Variants in PRORP observed in about 807,000 individuals in gnomAD.
PRORP encodes the protein protein only RNase P catalytic subunit.
A neutral mutation model predicts 59.4 loss-of-function variants in PRORP; 51 were observed. The observed-to-expected ratio is 0.86, with a 90% CI of 0.69 to 1.08. The LOEUF (loss-of-function observed/expected upper bound fraction) is 1.08, where lower values mean the gene tolerates loss of function less well. Ranked by LOEUF, PRORP falls within the 50% of genes least tolerant of loss-of-function variation. The probability of loss-of-function intolerance (pLI) is 0.00; values close to 1 mark genes in which losing one functional copy is unlikely to be tolerated. For synonymous variants in PRORP, 231 were observed against 245.6 expected, an observed-to-expected ratio of 0.94 and a Z score of 0.55; for missense variants, 646 against 690.3, an observed-to-expected ratio of 0.94 and a Z score of 0.72.
chr14:35,162,930 T>C (rs1285042565), intron 4 of PRORP, among the ~76,000 whole-genome samples: 1 of 152,164 alleles, frequency 6.6e-6, no homozygotes, highest in African/African-American at 2.4e-5. Flanking sequence ...TTTTAGCATA[T>C]ACCAAATTCT....
intron 5 of PRORP, among the ~76,000 whole-genome samples, chr14:35,201,243 A>G (rs1209329175): frequency 6.6e-6 from 1 of 152,166 alleles, no homozygotes; most frequent in African/African-American, 2.4e-5. Context: ...AGCTTTCTCA[A>G]CTGTAAAGTT....
intron 5 of PRORP, among the ~76,000 whole-genome samples, chr14:35,265,537 G>A (rs2051016901): frequency 6.6e-6 from 1 of 152,202 alleles, no homozygotes; most frequent in South Asian, 2.1e-4. Context: ...GTGGAGGCCA[G>A]TGGGAAGTGG....
chr14:35,217,896 C>T (rs1193487865), intron 5 of PRORP, among the ~76,000 whole-genome samples: 1 of 152,050 alleles, frequency 6.6e-6, no homozygotes, highest in Non-Finnish European at 1.5e-5. Flanking sequence ...AATTTTGTTC[C>T]TTTTCTAAGT....
intron 5 of PRORP, among the ~76,000 whole-genome samples, chr14:35,246,153 T>TA (rs1942071502): frequency 6.6e-6 from 1 of 152,200 alleles, no homozygotes; most frequent in African/African-American, 2.4e-5. Flanking sequence ...TCCAGTGTTT[T>TA]AAAATTTTAC....
At chr14:35,175,969 T>G (rs1595244645) in intron 4 of PRORP, among the ~76,000 whole-genome samples, 2 of 152,114 alleles carry the variant, frequency 1.3e-5, no homozygotes, top group South Asian at 4.1e-4. Context: ...GGCTAGCCAG[T>G]TTTCCCAGCA....
intron 5 of PRORP, among the ~76,000 whole-genome samples, chr14:35,219,621 GGCACCC>G (rs2049718749): frequency 6.6e-6 from 1 of 152,208 alleles, no homozygotes; most frequent in East Asian, 1.9e-4. Flanking sequence ...GGTGCCTAAT[GGCACCC>G]TACATGTTGG....
chr14:35,168,006 A>G (rs1397080996), intron 4 of PRORP, among the ~76,000 whole-genome samples: 2 of 152,204 alleles, frequency 1.3e-5, no homozygotes, highest in Admixed American at 6.5e-5. Flanking sequence ...TCCCCCATTC[A>G]TTCATTAGTT....
At chr14:35,125,608 G>A (rs953920043) in intron 2 of PRORP, among the ~76,000 whole-genome samples, 4 of 151,862 alleles carry the variant, frequency 2.6e-5, no homozygotes, top group Non-Finnish European at 5.9e-5. Context: ...TCATGTTTAC[G>A]GAGCTTTGAA....
chr14:35,180,284 C>T (rs539115632), intron 4 of PRORP, among the ~76,000 whole-genome samples: 266 of 152,272 alleles, frequency 1.7e-3, no homozygotes, highest in African/African-American at 6.1e-3. Flanking sequence ...GCATCGCTCA[C>T]GCTGGGAGCC....
chr14:35,221,868 G>T lies in PRORP; in HGVS notation c.1275+41091G>T, dbSNP rs12586302. Among the ~76,000 whole-genome samples, 3 of 152,006 alleles carry T rather than the reference G, an allele frequency of 2.0e-5. No individual in the cohort carries two copies. The East Asian group carries it at 5.8e-4, about 29-fold the overall frequency. On this transcript the variant is annotated intron_variant, in intron 5 of 7. Coordinates refer to ENST00000534898, the MANE Select transcript of PRORP (RefSeq NM_014672.4). ...CCTTCTTTACAGATAACCAGTAGTG[G>T]TTGTATATTAATATATGCAAGCTTT...
At chr14:35,136,423 G>A (rs200990493) in intron 4 of PRORP, among the ~76,000 whole-genome samples, 11,799 of 135,714 alleles carry the variant, frequency 0.087, 956 homozygotes, top group East Asian at 0.26. Flanking sequence ...TGCCCAGGCT[G>A]GAGTGCAATG....
chr14:35,190,760 C>T (rs1468920531), intron 5 of PRORP, among the ~76,000 whole-genome samples: 2 of 152,138 alleles, frequency 1.3e-5, no homozygotes, highest in East Asian at 1.9e-4. Flanking sequence ...TACTTGGCCT[C>T]CCTAAGTGCT....
chr14:35,122,080 TG>T, upstream of PRORP: 2 of 1,024,172 alleles, frequency 2.0e-6, no homozygotes, highest in Non-Finnish European at 3.0e-6. Context: ...ACCACCATCT[TG>T]ATCGAGGGCG....
At chr14:35,262,159 ATTT>A (rs1292884158) in intron 5 of PRORP, among the ~76,000 whole-genome samples, 1 of 151,708 alleles carries the variant, frequency 6.6e-6, no homozygotes, top group Non-Finnish European at 1.5e-5. Context: ...TTTTGTTTGA[ATTT>A]TTTTTATAAT....
chr14:35,270,927 C>CA (rs1020878270), intron 7 of PRORP, among the ~76,000 whole-genome samples: 1,780 of 146,774 alleles, frequency 0.012, 32 homozygotes, highest in African/African-American at 0.038. Context: ...ACTAAAAGTA[C>CA]AAAAAAAAAA....
At chr14:35,167,790 C>A (rs942631611) in intron 4 of PRORP, among the ~76,000 whole-genome samples, 1 of 152,054 alleles carries the variant, frequency 6.6e-6, no homozygotes, top group Non-Finnish European at 1.5e-5. Context: ...GCTTTAATAC[C>A]GAATTCACAA....
At chr14:35,177,245 A>T (rs1258241688) in intron 4 of PRORP, among the ~76,000 whole-genome samples, 2 of 152,046 alleles carry the variant, frequency 1.3e-5, no homozygotes, top group African/African-American at 4.8e-5. Flanking sequence ...TATCAGGATG[A>T]TGTTGGCCTC....
intron 4 of PRORP, among the ~76,000 whole-genome samples, chr14:35,165,938 C>T (rs1156363383): frequency 6.6e-6 from 1 of 152,034 alleles, no homozygotes; most frequent in African/African-American, 2.4e-5. Context: ...CCTCAGCCTC[C>T]CAAAGTGCTG....
In PRORP at chr14:35,180,167, C is replaced by A. The variant is rs1169022600; in HGVS notation, c.1168-503C>A. 2.0e-5 allele frequency among the ~76,000 whole-genome samples: 3 copies of A among 152,264 alleles called. No homozygotes were observed. In the East Asian group the frequency reaches 5.8e-4, roughly 29 times the overall value. The stretch of plus-strand genomic sequence containing the variant: ...ACTTGGGCTACTCGGGGGTCAGGGA[C>A]CCACTTGAGGAGGCAGTCTGTCCAT... On this transcript the variant is annotated intron_variant, in intron 4 of 7. Transcript: ENST00000534898.
Sources: gnomAD v4.1 joint callset for allele counts (sites outside exome capture counted in the v4.1 genomes callset) on GRCh38, gnomAD v4.1.1 for gene constraint, MANE v1.5 for transcripts, NCBI Gene and HGNC (gene_info 2026-07-23, HGNC 2026-07-21) for gene names.